TBX4: variants seen among roughly 807,000 people sequenced by gnomAD.
The protein encoded by TBX4 is T-box transcription factor 4.
TBX4 carries 13 observed loss-of-function variants against 54.6 expected under a neutral mutation model. The ratio of observed to expected loss-of-function variants is 0.24; its 90% CI spans 0.15 to 0.38. The LOEUF is 0.38. Among genes scored for constraint, TBX4 ranks in the 10% least tolerant of loss-of-function variants. The probability of loss-of-function intolerance (pLI) is 1.00; values close to 1 mark genes in which losing one functional copy is unlikely to be tolerated. For synonymous variants in TBX4, 314 were observed against 306.7 expected (o/e 1.02, Z -0.25); for missense variants, 631 against 728.5 (o/e 0.87, Z 1.54).
chr17:61,482,656 C>T (rs1330660291), intron 8 of TBX4, among the ~76,000 whole-genome samples: 2 of 152,192 alleles, frequency 1.3e-5, no homozygotes, highest in Non-Finnish European at 2.9e-5. Context: ...AAGCCTGGCC[C>T]TCAGTGTCCG....
At position 61,483,004 on chromosome 17, in the gene TBX4, C is replaced by G. The variant is rs2060675859; in HGVS notation, c.1129C>G (p.Gln377Glu). The change falls in exon 9 of 9, where the codon CAA becomes GAA. Residue 377 changes from glutamine to glutamate, a missense_variant. Around this residue, in one of 3 missense-constraint regions of TBX4, gnomAD observed 354 missense variants for 368.9 expected, o/e 0.96. Transcript: ENST00000644296. The surrounding 1 kb of genome is among the most constrained non-coding windows in gnomAD (Gnocchi z 6.6). ...YFRSPPPYDQ[Q>E]MLSPSYCSEV... ...CCGTTCCCCCCCTCCCTACGACCAG[C>G]AAATGCTGAGCCCCTCCTACTGCAG... 5 of 1,613,984 alleles carry G rather than the reference C, an allele frequency of 3.1e-6. No homozygotes were observed. Among genetic ancestry groups the G allele is most frequent in the African/African-American group, 1.3e-5 (1 of 74,902 alleles).
chr17:61,457,389 A>G lies in TBX4; in HGVS notation c.187-148A>G, dbSNP rs1374435913. 1.5e-6 allele frequency: 1 copy of G among 689,300 alleles called. No homozygotes were observed. Among genetic ancestry groups the G allele is most frequent in the Non-Finnish European group, 2.6e-6 (1 of 387,366 alleles). 42.7% of individuals were successfully genotyped at this position (689,300 alleles called of 1,614,324 possible). A position where few individuals can be genotyped will look rare whatever the true frequency, so the allele number is the denominator to read the frequency against. On this transcript the variant is annotated intron_variant, in intron 2 of 8. Transcript: ENST00000644296. The surrounding 1 kb of genome is among the most constrained non-coding windows in gnomAD (Gnocchi z 8.2). Reference sequence around the variant, plus strand: ...ATTCTTTTATATTCACGAATAGTTCAAAATCGTTCTGTGAAACGAAATCTG... The same window carrying G: ...ATTCTTTTATATTCACGAATAGTTCGAAATCGTTCTGTGAAACGAAATCTG...
intron 5 of TBX4, among the ~76,000 whole-genome samples, chr17:61,469,115 G>A (rs551806232): frequency 6.6e-6 from 1 of 152,340 alleles, no homozygotes; most frequent in Admixed American, 6.5e-5. Context: ...TTTTGGATGA[G>A]CCAGCTTGTT....
chr17:61,480,423 C>T lies in TBX4; in HGVS notation c.1021+104C>T. 1 of 1,025,882 alleles carries T rather than the reference C, an allele frequency of 9.7e-7. No homozygotes were observed. Among genetic ancestry groups the T allele is most frequent in the Admixed American group, 2.0e-5 (1 of 50,354 alleles). The allele number at this position is 1,025,882 out of a possible 1,614,324, so 63.5% of individuals were successfully genotyped here. A position where few individuals can be genotyped will look rare whatever the true frequency, so the allele number is the denominator to read the frequency against. ...CCCCCCCCAACACACACACACTCAT[C>T]TCGTGCTTGTGTGGCCTGGGAGAGT... On this transcript the variant is annotated intron_variant, in intron 8 of 8. Coordinates refer to ENST00000644296, the MANE Select transcript of TBX4 (RefSeq NM_001321120.2). This position sits in a 1 kb window ranked among gnomAD's most constrained non-coding sequence, Gnocchi z 6.2.
chr17:61,456,513 C>A lies in TBX4; in HGVS notation c.23C>A (p.Ser8Tyr). Reference sequence around the variant, plus strand: ...GAGATGCTGCAGGATAAGGGCCTGTCCGAGAGCGAGGAGGCCTTCCGGGCC... The same window carrying A: ...GAGATGCTGCAGGATAAGGGCCTGTACGAGAGCGAGGAGGCCTTCCGGGCC... MLQDKGL[S>Y]ESEEAFRAPG... Residue 8 changes from serine to tyrosine, a missense_variant, in exon 2 of 9, where the codon TCC (serine) becomes TAC (tyrosine). Ser to Tyr is a moderately radical substitution (Grantham distance 144, BLOSUM62 -2). Transcript: ENST00000644296. The A allele has an allele frequency of 6.4e-7, 1 of 1,568,350 alleles. No homozygotes were observed. Among genetic ancestry groups the A allele is most frequent in the South Asian group, 1.2e-5 (1 of 85,108 alleles).
intron 4 of TBX4, among the ~76,000 whole-genome samples, chr17:61,467,262 T>C (rs1283638179): frequency 2.6e-5 from 4 of 152,192 alleles, no homozygotes; most frequent in Non-Finnish European, 5.9e-5. Flanking sequence ...AATGATCCCA[T>C]TTCCCTGTAA....
rs2060488146 is a variant in TBX4 at position 61,460,635 on chromosome 17, C to T, written c.281+3004C>T. 6.6e-6 allele frequency among the ~76,000 whole-genome samples: 1 copy of T among 152,156 alleles called. No individual in the cohort carries two copies. Among genetic ancestry groups the T allele is most frequent in the Non-Finnish European group, 1.5e-5 (1 of 68,026 alleles). ...GAGGGTTCGTGCTGATAGCCGCAGACAGCAGATCCCTCTCTTGGCCTCCCC... is the reference window on the plus strand; with the variant it reads ...GAGGGTTCGTGCTGATAGCCGCAGATAGCAGATCCCTCTCTTGGCCTCCCC... On this transcript the variant is annotated intron_variant, in intron 3 of 8. Transcript: ENST00000644296. This position sits in a 1 kb window ranked among gnomAD's most constrained non-coding sequence, Gnocchi z 4.4.
Position 61,457,464 on chromosome 17 carries a change from G to T in TBX4, c.187-73G>T. 1 of 1,463,110 alleles carries T rather than the reference G, an allele frequency of 6.8e-7. No individual in the cohort carries two copies. The highest frequency in any genetic ancestry group is 9.6e-7 in the Non-Finnish European group (1 of 1,042,844). The allele number at this position is 1,463,110 out of a possible 1,614,324, so 90.6% of individuals were successfully genotyped here. A position where few individuals can be genotyped will look rare whatever the true frequency, so the allele number is the denominator to read the frequency against. On this transcript the variant is annotated intron_variant, in intron 2 of 8. Coordinates refer to ENST00000644296, the MANE Select transcript of TBX4 (RefSeq NM_001321120.2). The surrounding 1 kb of genome is among the most constrained non-coding windows in gnomAD (Gnocchi z 8.2). ...GGTTCCGCACAGCTCTTCGGGTCTG[G>T]TTCTTCTTTCCTCAGGCTCCGCGTG... is the stretch of plus-strand genomic sequence containing the variant.
In TBX4 at chr17:61,471,902, T is replaced by A. The variant is rs529733175; in HGVS notation, c.549+4245T>A. Reference sequence around the variant, plus strand: ...CACTATGCCCAGCTAATTTTTTTTTTTTTTTTTTTTTTTTTTTTTTTAGTA... The same window carrying A: ...CACTATGCCCAGCTAATTTTTTTTTATTTTTTTTTTTTTTTTTTTTTAGTA... On this transcript the variant is annotated intron_variant, in intron 5 of 8. Transcript: ENST00000644296. Among the ~76,000 whole-genome samples, 676 of 139,950 alleles carry A rather than the reference T, an allele frequency of 4.8e-3. 6 individuals are homozygous for A. Among genetic ancestry groups the A allele is most frequent in the South Asian group, 8.2e-3 (36 of 4,396 alleles). 91.8% of individuals were successfully genotyped at this position (139,950 alleles called of 152,430 possible).
chr17:61,467,500 C>T lies in TBX4; in HGVS notation c.402-10C>T, dbSNP rs1332440581. The T allele has an allele frequency of 2.5e-6, 4 of 1,614,074 alleles. No individual in the cohort carries two copies. The highest frequency in any genetic ancestry group is 3.4e-6 in the Non-Finnish European group (4 of 1,180,054). ...GAGTAATCACCTGCTCTTATCTGCT[C>T]TGTTGGCAGGATGGTGGCAGGGAAG... On this transcript the variant is annotated splice_polypyrimidine_tract_variant and intron_variant, in intron 4 of 8. Coordinates refer to ENST00000644296, the MANE Select transcript of TBX4 (RefSeq NM_001321120.2).
chr17:61,456,200 CGA>C (rs2060447395), intron 1 of TBX4, among the ~76,000 whole-genome samples: 1 of 152,200 alleles, frequency 6.6e-6, no homozygotes. Context: ...GTGGCAATGC[CGA>C]GAGGGCGGTC....
At chr17:61,471,996 G>A (rs1440924352) in intron 5 of TBX4, among the ~76,000 whole-genome samples, 14 of 147,996 alleles carry the variant, frequency 9.5e-5, no homozygotes, top group Admixed American at 7.0e-4. Context: ...ACCTGCCTCG[G>A]CCTCCCAAAG....
chr17:61,477,413 TCCAGCCGCGGCAA>T (rs2060628722), intron 5 of TBX4, among the ~76,000 whole-genome samples: 2 of 152,222 alleles, frequency 1.3e-5, no homozygotes, highest in African/African-American at 4.8e-5. Context: ...CTAAGCTTTG[TCCAGCCGCGGCAA>T]CCCGCCTCCC....
intron 5 of TBX4, among the ~76,000 whole-genome samples, chr17:61,473,540 T>C (rs1445048152): frequency 6.6e-6 from 1 of 152,206 alleles, no homozygotes; most frequent in African/African-American, 2.4e-5. Flanking sequence ...TATCTCCCTC[T>C]TTCCTCCTTT....
chr17:61,456,954 C>T (rs528389168), intron 2 of TBX4, among the ~76,000 whole-genome samples: 3 of 152,324 alleles, frequency 2.0e-5, no homozygotes, highest in African/African-American at 4.8e-5. Flanking sequence ...ACCCCCGTAG[C>T]ATCTGAGCGA....
At position 61,462,267 on chromosome 17, in the gene TBX4, C is replaced by T. The variant is rs942795463; in HGVS notation, c.282-3552C>T. 6.6e-6 allele frequency among the ~76,000 whole-genome samples: 1 copy of T among 152,304 alleles called. No homozygotes were observed. The highest frequency in any genetic ancestry group is 2.1e-4 in the South Asian group (1 of 4,832). Reference sequence around the variant, plus strand: ...CTGTTTCATGATCAGAGGAGAAGCCCCGGGCTTTCATCTCCTCCCGGGCCG... The same window carrying T: ...CTGTTTCATGATCAGAGGAGAAGCCTCGGGCTTTCATCTCCTCCCGGGCCG... On this transcript the variant is annotated intron_variant, in intron 3 of 8. Transcript: ENST00000644296. This position sits in a 1 kb window ranked among gnomAD's most constrained non-coding sequence, Gnocchi z 4.5.
In TBX4 at chr17:61,467,597, G is replaced by A; in HGVS notation, c.489G>A (p.Arg163=). 1 of 1,614,212 alleles carries A rather than the reference G, an allele frequency of 6.2e-7. No individual in the cohort carries two copies. Among genetic ancestry groups the A allele is most frequent in the South Asian group, 1.1e-5 (1 of 91,082 alleles). ...CTGCCACAGGAGCCCACTGGATGCG[G>A]CAGCTGGTCTCCTTCCAGAAGCTGA... The part of the protein sequence containing the change: ...DSPATGAHWM[R]QLVSFQKLKL... The change falls in exon 5 of 9, where the codon CGG becomes CGA. Residue 163 remains arginine, a synonymous_variant. Transcript: ENST00000644296.
chr17:61,470,911 T>C (rs982787481), intron 5 of TBX4, among the ~76,000 whole-genome samples: 5 of 152,228 alleles, frequency 3.3e-5, no homozygotes, highest in African/African-American at 7.2e-5. Context: ...TACCTGGGCT[T>C]CAGGAAGTCA....
rs1019693632 is a variant in TBX4 at position 61,465,999 on chromosome 17, C to G, written c.401+61C>G. 3.7e-5 allele frequency: 59 copies of G among 1,608,476 alleles called. No homozygotes were observed. The highest frequency in any genetic ancestry group is 5.0e-5 in the Non-Finnish European group (59 of 1,176,442). On this transcript the variant is annotated intron_variant, in intron 4 of 8. Transcript: ENST00000644296. This position sits in a 1 kb window ranked among gnomAD's most constrained non-coding sequence, Gnocchi z 4.9. The stretch of plus-strand genomic sequence containing the variant: ...CAACTGCCCACTTGCCACGCCCCCA[C>G]CTAGTGTTTTGTCCGGGGGATTTCT...
Sources: allele counts gnomAD v4.1 joint callset (sites outside exome capture counted in the v4.1 genomes callset), GRCh38; gene constraint gnomAD v4.1.1; regional missense constraint gnomAD v4.1.1; non-coding constraint Gnocchi (gnomAD v3.1); transcripts MANE v1.5; gene names NCBI Gene and HGNC (gene_info 2026-07-23, HGNC 2026-07-21).